Variants in ANKRD30BL observed in about 807,000 individuals in gnomAD.
The protein encoded by ANKRD30BL is ankyrin repeat domain 30B like, also known as putative ankyrin repeat domain-containing protein 30B-like.
ANKRD30BL carries 20 observed loss-of-function variants against 18.4 expected under a neutral mutation model. That is an observed-to-expected ratio of 1.09 (90% CI 0.77 to 1.58). The LOEUF (loss-of-function observed/expected upper bound fraction) is 1.58, where lower values mean the gene tolerates loss of function less well. Ranked by LOEUF, ANKRD30BL falls within the 40% of genes most tolerant of loss-of-function variation. The pLI is 0.00. For synonymous variants in ANKRD30BL, 72 were observed against 100.9 expected, an observed-to-expected ratio of 0.71 and a Z score of 1.72; for missense variants, 224 against 268.6, an observed-to-expected ratio of 0.83 and a Z score of 1.16.
rs181871237 is a variant in ANKRD30BL, at chr2:132,155,141, C to A, written c.508-373G>T. 599 of 156,080 alleles carry A rather than the reference C, an allele frequency of 3.8e-3. 2 individuals are homozygous for A. Among genetic ancestry groups the A allele is most frequent in the African/African-American group, 0.013 (525 of 41,740 alleles). 9.7% of individuals were successfully genotyped at this position (156,080 alleles called of 1,614,324 possible). On this transcript the variant is annotated intron_variant, in intron 3 of 5. Transcript: ENST00000409867. ...GTAATCTAAATTATTACCTCTAGAACAGTGTTTCTTCAACTATATTCCAAA... is the reference window on the plus strand; with the variant it reads ...GTAATCTAAATTATTACCTCTAGAAAAGTGTTTCTTCAACTATATTCCAAA...
At chr2:132,250,418 A>C (rs1680620097) in intron 1 of ANKRD30BL, among the ~76,000 whole-genome samples, 1 of 152,248 alleles carries the variant, frequency 6.6e-6, no homozygotes, top group African/African-American at 2.4e-5. Context: ...GCTCATAATT[A>C]GTTTTTAGGA....
At chr2:132,163,301 A>G (rs914049051), upstream of ANKRD30BL, among the ~76,000 whole-genome samples, 26 of 151,996 alleles carry the variant, frequency 1.7e-4, no homozygotes, top group African/African-American at 6.0e-4. Context: ...AATAAAACCA[A>G]TCAGCCAGGC....
At chr2:132,185,468 T>A (rs1688547096) in intron 1 of ANKRD30BL, among the ~76,000 whole-genome samples, 1 of 152,174 alleles carries the variant, frequency 6.6e-6, no homozygotes, top group Admixed American at 6.6e-5. Flanking sequence ...AATACAAGAT[T>A]TTCATGGAAA....
Position 132,231,380 on chromosome 2 carries a change from G to A in ANKRD30BL, n.441+26149C>T, listed in dbSNP as rs183212284. On this transcript the variant is annotated intron_variant and non_coding_transcript_variant, in intron 1 of 4. Transcript: ENST00000470729. The stretch of plus-strand genomic sequence containing the variant: ...ACAGCTCTGGTCTACAGCTCCCAGC[G>A]TGAGCGACGCAGAAGACAGGTGATT... 1.9e-3 allele frequency among the ~76,000 whole-genome samples: 297 copies of A among 152,338 alleles called. 2 individuals carry two copies. Among genetic ancestry groups the A allele is most frequent in the African/African-American group, 5.6e-3 (231 of 41,600 alleles).
chr2:132,242,784 C>G (rs1219061031), intron 1 of ANKRD30BL, among the ~76,000 whole-genome samples: 2 of 151,308 alleles, frequency 1.3e-5, no homozygotes, highest in Non-Finnish European at 3.0e-5. Context: ...CAGACGTGAA[C>G]CTTTCTTTTG....
intron 1 of ANKRD30BL, among the ~76,000 whole-genome samples, chr2:132,160,401 C>CCTT (rs1553469820): frequency 4.1e-5 from 4 of 97,590 alleles, no homozygotes; most frequent in African/African-American, 1.7e-4. Flanking sequence ...ACGCCTGGCC[C>CCTT]TTTTTTTTTT....
chr2:132,200,469 C>T (rs549273009), intron 1 of ANKRD30BL, among the ~76,000 whole-genome samples: 1,778 of 152,108 alleles, frequency 0.012, 32 homozygotes, highest in African/African-American at 0.041. Flanking sequence ...AATCAATGTA[C>T]AAAAATCACA....
chr2:132,182,206 G>A (rs1316173435), intron 1 of ANKRD30BL, among the ~76,000 whole-genome samples: 1 of 152,008 alleles, frequency 6.6e-6, no homozygotes, highest in African/African-American at 2.4e-5. Context: ...TTTGTAGGCC[G>A]GGCGCAGTTG....
At chr2:132,251,287 C>G (rs1351613016) in intron 1 of ANKRD30BL, among the ~76,000 whole-genome samples, 1 of 152,168 alleles carries the variant, frequency 6.6e-6, no homozygotes. Flanking sequence ...ATTCAGAAAG[C>G]TTACTCAGAT....
At chr2:132,240,488 T>C (rs1458452324) in intron 1 of ANKRD30BL, among the ~76,000 whole-genome samples, 2 of 151,688 alleles carry the variant, frequency 1.3e-5, no homozygotes, top group Non-Finnish European at 2.9e-5. Context: ...ACAGGAAATA[T>C]CTTCCCATAA....
intron 1 of ANKRD30BL, among the ~76,000 whole-genome samples, chr2:132,170,988 C>G (rs1319694597): frequency 1.3e-5 from 2 of 152,072 alleles, no homozygotes; most frequent in African/African-American, 2.4e-5. Context: ...AACCTCGTCT[C>G]TACTAAAAAT....
At chr2:132,225,811 G>T (rs371359019) in intron 1 of ANKRD30BL, among the ~76,000 whole-genome samples, 1 of 150,694 alleles carries the variant, frequency 6.6e-6, no homozygotes, top group Admixed American at 6.6e-5. Flanking sequence ...GCTTTGAGGC[G>T]TACGGTGGAA....
intron 1 of ANKRD30BL, among the ~76,000 whole-genome samples, chr2:132,226,670 G>T (rs1252237241): frequency 6.6e-6 from 1 of 151,494 alleles, no homozygotes; most frequent in Non-Finnish European, 1.5e-5. Flanking sequence ...GTGCTTTGAG[G>T]CCTATGGTGG....
chr2:132,161,454 C>T (rs1290991080), intron 1 of ANKRD30BL, 34 bp downstream of exon 1: 1 of 1,434,440 alleles, frequency 7.0e-7, no homozygotes, highest in East Asian at 2.5e-5. Flanking sequence ...CCTCCTCCTC[C>T]TCCTGCAGCC....
intron 1 of ANKRD30BL, among the ~76,000 whole-genome samples, chr2:132,176,652 T>A (rs1573817730): frequency 2.6e-5 from 4 of 151,748 alleles, no homozygotes; most frequent in Admixed American, 1.3e-4. Context: ...AAGCCGTGTG[T>A]GGCTGGTGCC....
chr2:132,197,355 G>A (rs955191321), intron 1 of ANKRD30BL, among the ~76,000 whole-genome samples: 2 of 151,916 alleles, frequency 1.3e-5, no homozygotes, highest in African/African-American at 4.8e-5. Flanking sequence ...TTTCCTTTTT[G>A]TTTTGATCTA....
chr2:132,206,833 C>T (rs1422111603), intron 1 of ANKRD30BL, among the ~76,000 whole-genome samples: 1 of 152,410 alleles, frequency 6.6e-6, no homozygotes, highest in East Asian at 1.9e-4. Context: ...GCATTTTTCT[C>T]TGAAGGACCT....
In ANKRD30BL at chr2:132,156,987, C is replaced by T. The variant is rs749665185; in HGVS notation, c.493G>A (p.Glu165Lys). 3.1e-5 allele frequency: 38 copies of T among 1,220,612 alleles called. No homozygotes were observed. In the East Asian group the frequency reaches 6.6e-4, roughly 21 times the overall value. The allele number at this position is 1,220,612 out of a possible 1,614,324, so 75.6% of individuals were successfully genotyped here. A position where few individuals can be genotyped will look rare whatever the true frequency, so the allele number is the denominator to read the frequency against. The change falls in exon 3 of 6, where the codon GAA becomes AAA. Residue 165 changes from glutamate (E) to lysine (K), a missense_variant. Physicochemically the swap from Glu to Lys is moderately conservative, Grantham distance 56 (BLOSUM62 1). Transcript: ENST00000409867. ...TTAATGTCTACCTTGTTCTTCACTT[C>T]GATGTCTGCACCACAGGACAGCAAT... ...AKLLSCGADI[E>K]VKNKAGHTPL... is the part of the protein sequence containing the mutation.
At chr2:132,256,982 C>G (rs769828102) in intron 1 of ANKRD30BL, 1 of 513,902 alleles carries the variant, frequency 1.9e-6, no homozygotes, top group Non-Finnish European at 3.9e-6. Flanking sequence ...TCAGGCACGG[C>G]CGGGCCACCA....
Sources: gnomAD v4.1 joint callset for allele counts (sites outside exome capture counted in the v4.1 genomes callset) on GRCh38, gnomAD v4.1.1 for gene constraint, MANE v1.5 for transcripts, NCBI Gene and HGNC (gene_info 2026-07-23, HGNC 2026-07-21) for gene names.